Variants in EPC1 observed in about 807,000 individuals in gnomAD.
EPC1 encodes enhancer of polycomb 1, also known as enhancer of polycomb homolog 1.
In EPC1, 12 loss-of-function variants were observed where a neutral mutation model predicts 98.4. The observed-to-expected ratio is 0.12, with a 90% CI of 0.08 to 0.20. The LOEUF (loss-of-function observed/expected upper bound fraction) is 0.20. Among genes scored for constraint, EPC1 ranks in the 10% least tolerant of loss-of-function variants. EPC1 has a pLI of 1.00. For synonymous variants in EPC1, 357 were observed against 363.9 expected, an observed-to-expected ratio of 0.98 and a Z score of 0.21; for missense variants, 729 against 990.5, an observed-to-expected ratio of 0.74 and a Z score of 3.54.
chr10:32,346,334 A>G (rs1838804749), intron 1 of EPC1, among the ~76,000 whole-genome samples: 1 of 151,990 alleles, frequency 6.6e-6, no homozygotes, highest in African/African-American at 2.4e-5. Flanking sequence ...GTGGCCCTGG[A>G]GCGCCACCCA....
chr10:32,353,523 C>G (rs1839184706), intron 1 of EPC1, among the ~76,000 whole-genome samples: 1 of 152,088 alleles, frequency 6.6e-6, no homozygotes, highest in African/African-American at 2.4e-5. Flanking sequence ...GTTTTGGTAG[C>G]AGGAGTCCGG....
intron 1 of EPC1, among the ~76,000 whole-genome samples, chr10:32,376,192 G>T (rs906221809): frequency 1.3e-5 from 2 of 151,958 alleles, no homozygotes; most frequent in Non-Finnish European, 2.9e-5. Context: ...CATAATCAAT[G>T]ATGTAATAGT....
rs189351992 is a variant in EPC1, at chr10:32,358,592, C to G, written c.3+19899G>C. Among the ~76,000 whole-genome samples, 65 of 133,394 alleles carry G rather than the reference C, an allele frequency of 4.9e-4. 1 individual carries two copies. In the East Asian group the frequency reaches 0.015, roughly 30 times the overall value. The allele number at this position is 133,394 out of a possible 152,430, so 87.5% of individuals were successfully genotyped here. A position where few individuals can be genotyped will look rare whatever the true frequency, so the allele number is the denominator to read the frequency against. On this transcript the variant is annotated intron_variant, in intron 1 of 13. Coordinates refer to the EPC1 transcript ENST00000375110. ...CCTAGGAGGTTGAGGCTGTAGTGGA[C>G]TGTGATCGCGTCACTGCACTCCAGC...
At chr10:32,322,699 T>C (rs1448238135) in intron 1 of EPC1, among the ~76,000 whole-genome samples, 2 of 152,188 alleles carry the variant, frequency 1.3e-5, no homozygotes, top group African/African-American at 4.8e-5. Flanking sequence ...AAGATGACTC[T>C]CAAATACTAT....
chr10:32,335,737 T>C (rs1837918722), intron 1 of EPC1, among the ~76,000 whole-genome samples: 1 of 152,208 alleles, frequency 6.6e-6, no homozygotes, highest in Admixed American at 6.5e-5. Flanking sequence ...ACATGGATAA[T>C]GATGAAATAG....
chr10:32,332,731 T>C (rs907278073), intron 1 of EPC1, among the ~76,000 whole-genome samples: 1 of 152,190 alleles, frequency 6.6e-6, no homozygotes, highest in Non-Finnish European at 1.5e-5. Flanking sequence ...AACTGTAAGA[T>C]TACAAATGTT....
At chr10:32,301,823 A>AAG (rs1835562229) in intron 2 of EPC1, among the ~76,000 whole-genome samples, 1 of 152,154 alleles carries the variant, frequency 6.6e-6, no homozygotes, top group East Asian at 1.9e-4. Flanking sequence ...AAACTTTTAG[A>AAG]AGAGAACATA....
At chr10:32,290,196 T>C (rs1193880973) in intron 6 of EPC1, among the ~76,000 whole-genome samples, 1 of 151,934 alleles carries the variant, frequency 6.6e-6, no homozygotes, top group Non-Finnish European at 1.5e-5. Context: ...AAAAACTCAT[T>C]TGAGGCTGGG....
intron 1 of EPC1, among the ~76,000 whole-genome samples, chr10:32,332,100 C>G (rs1461241328): frequency 6.6e-6 from 1 of 152,162 alleles, no homozygotes; most frequent in Non-Finnish European, 1.5e-5. Flanking sequence ...TGCAATATTA[C>G]GCCTTTAAGA....
chr10:32,328,331 T>C (rs918550672), intron 1 of EPC1, among the ~76,000 whole-genome samples: 8 of 152,158 alleles, frequency 5.3e-5, no homozygotes, highest in African/African-American at 1.9e-4. Flanking sequence ...AGGTTACCGG[T>C]AGCAGCGTTT....
At chr10:32,320,756 A>G (rs938425745) in intron 1 of EPC1, among the ~76,000 whole-genome samples, 4 of 151,814 alleles carry the variant, frequency 2.6e-5, no homozygotes, top group Non-Finnish European at 5.9e-5. Context: ...CACCACGCCC[A>G]GCTAATTTTC....
chr10:32,299,888 C>T lies in EPC1; in HGVS notation c.313+5884G>A, dbSNP rs7478351. 4.7e-3 allele frequency among the ~76,000 whole-genome samples: 712 copies of T among 152,158 alleles called. 7 individuals carry two copies. Among genetic ancestry groups the T allele is most frequent in the Middle Eastern group, 0.017 (5 of 294 alleles). On this transcript the variant is annotated intron_variant, in intron 2 of 13. Transcript: ENST00000319778. ...ACTGATGATTCTAGTATGATCCAAC[C>T]CTGATTTATGATAATTGCAAAAATG...
intron 1 of EPC1, among the ~76,000 whole-genome samples, chr10:32,306,942 G>C (rs1209459150): frequency 6.6e-6 from 1 of 151,876 alleles, no homozygotes; most frequent in Non-Finnish European, 1.5e-5. Flanking sequence ...AGTCTTCATA[G>C]GTAGTCCATT....
At chr10:32,305,182 A>G (rs1054040897) in intron 2 of EPC1, among the ~76,000 whole-genome samples, 1 of 152,384 alleles carries the variant, frequency 6.6e-6, no homozygotes, top group South Asian at 2.1e-4. Context: ...TTTAAAAATT[A>G]GCATCACTCT....
rs1198800024 is a variant in EPC1 at position 32,286,826 on chromosome 10, G to T, written c.1259C>A (p.Thr420Asn). The change falls in exon 9 of 14, where the codon ACT becomes AAT. Residue 420 changes from threonine (T) to asparagine (N), a missense_variant. Physicochemically the swap from Thr to Asn is moderately conservative, Grantham distance 65. Transcript: ENST00000319778. Reference sequence around the variant, plus strand: ...AGGACTAGTCCAAGGCCAGTTGCCAGTTTGGTCTAAGTGAGGCTTAAAAAA... The same window carrying T: ...AGGACTAGTCCAAGGCCAGTTGCCATTTTGGTCTAAGTGAGGCTTAAAAAA... ...CQYYAPHLDQ[T>N]GNWPWTSPKD... 6.2e-7 allele frequency: 1 copy of T among 1,613,564 alleles called. No individual in the cohort carries two copies.
chr10:32,361,772 A>T (rs1839450602), intron 1 of EPC1, among the ~76,000 whole-genome samples: 1 of 152,218 alleles, frequency 6.6e-6, no homozygotes, highest in African/African-American at 2.4e-5. Flanking sequence ...CATCTTGAAT[A>T]GGGGCTGGGT....
At chr10:32,360,840 G>GCCGA (rs953684351) in intron 1 of EPC1, among the ~76,000 whole-genome samples, 11 of 151,318 alleles carry the variant, frequency 7.3e-5, no homozygotes, top group African/African-American at 2.7e-4. Flanking sequence ...GTTGCAGTGA[G>GCCGA]CCGAGATCGC....
At chr10:32,291,794 A>T (rs755004027) in intron 5 of EPC1, 2 of 152,286 alleles carry the variant, frequency 1.3e-5, no homozygotes, top group Non-Finnish European at 2.9e-5. Context: ...TTTCTCTCAA[A>T]GATTACATAA....
chr10:32,289,808 T>G (rs34288680), intron 6 of EPC1, among the ~76,000 whole-genome samples: 6 of 151,806 alleles, frequency 4.0e-5, no homozygotes, highest in Non-Finnish European at 7.4e-5. Flanking sequence ...GTATTTTTAG[T>G]AGAAACAGGG....
Sources: gnomAD v4.1 joint callset for allele counts (sites outside exome capture counted in the v4.1 genomes callset) on GRCh38, gnomAD v4.1.1 for gene constraint, MANE v1.5 for transcripts, NCBI Gene and HGNC (gene_info 2026-07-23, HGNC 2026-07-21) for gene names.